NCOR1: variants seen among roughly 807,000 people sequenced by gnomAD.
NCOR1 encodes protein phosphatase 1, regulatory subunit 109.
A neutral mutation model predicts 288.1 loss-of-function variants in NCOR1; 63 were observed. The ratio of observed to expected loss-of-function variants is 0.22; its 90% CI spans 0.18 to 0.27. The LOEUF (loss-of-function observed/expected upper bound fraction) is 0.27, where lower values mean the gene tolerates loss of function less well. Among genes scored for constraint, NCOR1 ranks in the 10% least tolerant of loss-of-function variants. The probability of loss-of-function intolerance (pLI) is 1.00; values close to 1 mark genes in which losing one functional copy is unlikely to be tolerated. For synonymous variants in NCOR1, 1,007 were observed against 1,065.9 expected (o/e 0.94, Z 1.08); for missense variants, 2,397 against 3,019.2 (o/e 0.79, Z 4.83).
intron 16 of NCOR1, 106 bp from the exon 17 acceptor site, chr17:16,119,591 A>T: frequency 2.7e-6 from 2 of 733,920 alleles, no homozygotes; most frequent in Non-Finnish European, 4.3e-6. Context: ...AAGACTATGT[A>T]AAAGCATTTG....
At chr17:16,159,086 TAA>T (rs35251798) in intron 5 of NCOR1, among the ~76,000 whole-genome samples, 6 of 150,532 alleles carry the variant, frequency 4.0e-5, no homozygotes, top group African/African-American at 1.2e-4. Context: ...AGATAGAGTT[TAA>T]AAAAAAAAAC....
At chr17:16,138,067 A>T in intron 13 of NCOR1, 91 bp downstream of exon 13, 1 of 982,344 alleles carries the variant, frequency 1.0e-6, no homozygotes. Context: ...AATCGGTTCT[A>T]GTTAACTACT....
At chr17:16,127,339 A>ATATATGTATG (rs747941464) in intron 14 of NCOR1, among the ~76,000 whole-genome samples, 2,203 of 33,962 alleles carry the variant, frequency 0.065, 673 homozygotes, top group African/African-American at 0.22. Flanking sequence ...GTATATATAC[A>ATATATGTATG]TGTATGTATA....
chr17:16,143,736 TTA>T, intron 10 of NCOR1, 40 bp from the exon 11 acceptor site: 1 of 1,414,246 alleles, frequency 7.1e-7, no homozygotes, highest in Non-Finnish European at 9.8e-7. Context: ...TTTAAAGACC[TTA>T]TATAAAGACA....
At chr17:16,096,634 G>A (rs1048167595) in intron 21 of NCOR1, among the ~76,000 whole-genome samples, 34 of 151,550 alleles carry the variant, frequency 2.2e-4, no homozygotes, top group African/African-American at 8.2e-4. Context: ...TTTCTTAACT[G>A]GAAATGACCG....
chr17:16,173,361 C>T (rs2083469416), intron 3 of NCOR1, among the ~76,000 whole-genome samples: 1 of 152,142 alleles, frequency 6.6e-6, no homozygotes, highest in Non-Finnish European at 1.5e-5. Flanking sequence ...ACAAAGATGA[C>T]TGCATTCACC....
At chr17:16,077,498 GAGA>G (rs2062676351) in intron 26 of NCOR1, among the ~76,000 whole-genome samples, 1 of 31,404 alleles carries the variant, frequency 3.2e-5, no homozygotes, top group African/African-American at 1.6e-4. Flanking sequence ...GAGAGGGGAG[GAGA>G]GGGGAGGAGA....
In NCOR1 at chr17:16,100,054, A is replaced by G. The variant is rs572439048; in HGVS notation, c.2690+1196T>C. On this transcript the variant is annotated intron_variant, in intron 20 of 45. Coordinates refer to ENST00000268712, the MANE Select transcript of NCOR1 (RefSeq NM_006311.4). ...AAGAGAATTTAGCTATCTGTTGAGTAGCTTGTCTCTTTATTCTTATTAAAA... is the reference window on the plus strand; with the variant it reads ...AAGAGAATTTAGCTATCTGTTGAGTGGCTTGTCTCTTTATTCTTATTAAAA... Among the ~76,000 whole-genome samples the G allele has an allele frequency of 2.6e-5, 4 of 152,288 alleles. No homozygotes were observed. In the South Asian group the frequency reaches 8.3e-4, roughly 32 times the overall value.
intron 39 of NCOR1, 24 bp downstream of exon 39, chr17:16,057,883 T>TAA: frequency 6.4e-7 from 1 of 1,559,520 alleles, no homozygotes. Context: ...AAAAATTAAC[T>TAA]AATAAGAATA....
chr17:16,183,039 T>C (rs944529371), intron 3 of NCOR1, among the ~76,000 whole-genome samples: 4 of 151,810 alleles, frequency 2.6e-5, no homozygotes. Context: ...TTCCTTAACA[T>C]AATAAAGGCC....
chr17:16,170,209 C>T (rs1166710554), intron 4 of NCOR1, among the ~76,000 whole-genome samples: 2 of 151,020 alleles, frequency 1.3e-5, no homozygotes, highest in Non-Finnish European at 2.9e-5. Context: ...AATTACTCTT[C>T]ATTGCATAAA....
chr17:16,103,202 TAAAC>T (rs758779814), intron 19 of NCOR1, among the ~76,000 whole-genome samples: 2 of 152,184 alleles, frequency 1.3e-5, no homozygotes, highest in Non-Finnish European at 2.9e-5. Flanking sequence ...ACTATCCAAT[TAAAC>T]AAAACAGAGA....
At chr17:16,170,103 C>T (rs1206729175) in intron 4 of NCOR1, among the ~76,000 whole-genome samples, 6 of 79,806 alleles carry the variant, frequency 7.5e-5, no homozygotes, top group Non-Finnish European at 1.4e-4. Flanking sequence ...AACATATTTG[C>T]TTTCTGTGTG....
At chr17:16,112,735 C>T (rs1222856976) in intron 18 of NCOR1, among the ~76,000 whole-genome samples, 2 of 152,104 alleles carry the variant, frequency 1.3e-5, no homozygotes, top group East Asian at 1.9e-4. Flanking sequence ...GTGATCTGCC[C>T]GCCTCGGCCT....
chr17:16,152,929 T>C (rs897255599), intron 7 of NCOR1, among the ~76,000 whole-genome samples: 1 of 152,166 alleles, frequency 6.6e-6, no homozygotes, highest in African/African-American at 2.4e-5. Flanking sequence ...CCATCTCCTG[T>C]CACTCCCATA....
chr17:16,200,273 G>C (rs985870999), intron 1 of NCOR1, among the ~76,000 whole-genome samples: 1 of 151,798 alleles, frequency 6.6e-6, no homozygotes, highest in Non-Finnish European at 1.5e-5. Flanking sequence ...GGATCACAAG[G>C]TCAGGAGATC....
intron 21 of NCOR1, among the ~76,000 whole-genome samples, chr17:16,095,451 C>A (rs1243290738): frequency 7.0e-6 from 1 of 142,426 alleles, no homozygotes; most frequent in Non-Finnish European, 1.5e-5. Flanking sequence ...GGGGGGTCAG[C>A]CCCCCGCCCG....
chr17:16,166,080 T>C (rs966686641), intron 4 of NCOR1, among the ~76,000 whole-genome samples: 4 of 152,190 alleles, frequency 2.6e-5, no homozygotes, highest in Admixed American at 6.5e-5. Flanking sequence ...TTAGTACAGA[T>C]ATTTCAGCTA....
chr17:16,063,894 G>A (rs1471003940), intron 35 of NCOR1, among the ~76,000 whole-genome samples, 174 bp downstream of exon 35: 5 of 152,158 alleles, frequency 3.3e-5, no homozygotes, highest in East Asian at 1.9e-4. Context: ...TAAAATTCAC[G>A]TTTCCACCAT....
Sources: allele counts gnomAD v4.1 joint callset (sites outside exome capture counted in the v4.1 genomes callset), GRCh38; gene constraint gnomAD v4.1.1; transcripts MANE v1.5; gene names NCBI Gene and HGNC (gene_info 2026-07-23, HGNC 2026-07-21).